The following TXK variants were observed in gnomAD, a reference collection of about 807,000 sequenced individuals.
TXK encodes tyrosine-protein kinase TXK.
Under a neutral mutation model 81.0 loss-of-function variants are expected in TXK, and 60 were observed. That is an observed-to-expected ratio of 0.74 (90% CI 0.60 to 0.92). The LOEUF (loss-of-function observed/expected upper bound fraction) is 0.92. TXK is among the 40% of genes least tolerant of loss of function. The probability of loss-of-function intolerance (pLI) is 0.00; values close to 1 mark genes in which losing one functional copy is unlikely to be tolerated. For missense variants in TXK, 581 were observed against 638.3 expected, an observed-to-expected ratio of 0.91 and a Z score of 0.97; for synonymous variants, 203 against 210.7, an observed-to-expected ratio of 0.96 and a Z score of 0.32.
Position 48,094,161 on chromosome 4 carries a change from C to A in TXK, c.625G>T (p.Asp209Tyr). ...AIKHYQIKKN[D>Y]SGQWYVAERH... ...TCAGCCACATACCACTGTCCTGAGT[C>A]ATTCTTTTTTATCTGATAATGTTTT... The change falls in exon 8 of 15, where the codon GAC becomes TAC. Residue 209 changes from aspartate to tyrosine, a missense_variant. Coordinates refer to ENST00000264316, the MANE Select transcript of TXK (RefSeq NM_003328.3). The A allele has an allele frequency of 1.9e-6, 3 of 1,613,846 alleles. No homozygotes were observed. The highest frequency in any genetic ancestry group is 8.5e-7 in the Non-Finnish European group (1 of 1,179,992).
chr4:48,112,369 T>G lies in TXK; in HGVS notation c.318A>C (p.Ala106=), dbSNP rs1029078057. Residue 106 remains alanine (A), a synonymous_variant, in exon 4 of 15, where the codon GCA becomes GCC. Transcript: ENST00000264316. ...REPCNLALRR[A]EEYLILEKYN... is the part of the protein sequence containing the mutation. The stretch of plus-strand genomic sequence containing the variant: ...ATTTCTCCAGTATCAGGTATTCTTC[T>G]GCTCTCCTTAAGGCTAAATTACAGG... The G allele has an allele frequency of 6.2e-7, 1 of 1,614,222 alleles. No homozygotes were observed. The highest frequency in any genetic ancestry group is 8.5e-7 in the Non-Finnish European group (1 of 1,180,038).
chr4:48,089,179 CA>C (rs1717651611), intron 9 of TXK, among the ~76,000 whole-genome samples: 2 of 152,048 alleles, frequency 1.3e-5, no homozygotes, highest in Admixed American at 6.6e-5. Flanking sequence ...TGTAATTTAT[CA>C]AAAGGGTGAA....
chr4:48,114,447 G>A (rs771580296), intron 1 of TXK, 45 bp from the exon 2 acceptor site: 43 of 1,584,244 alleles, frequency 2.7e-5, no homozygotes, highest in Admixed American at 2.3e-4. Flanking sequence ...CCATGAGTAC[G>A]TGATATTGAG....
chr4:48,067,431 T>G lies in TXK; in HGVS notation c.*206A>C, dbSNP rs1235358966. 2.2e-5 allele frequency: 12 copies of G among 548,214 alleles called. No individual in the cohort carries two copies. The highest frequency in any genetic ancestry group is 3.2e-5 in the Non-Finnish European group (10 of 309,736). The allele number at this position is 548,214 out of a possible 1,614,324, so 34.0% of individuals were successfully genotyped here. A position where few individuals can be genotyped will look rare whatever the true frequency, so the allele number is the denominator to read the frequency against. On this transcript the variant is annotated 3_prime_UTR_variant, in exon 15 of 15. Transcript: ENST00000264316. ...AATATTTTACAGAAAAATAAGAGTG[T>G]GCAAATCCCTCTCACACATAGAAAA...
chr4:48,108,199 G>T (rs535536888), intron 5 of TXK, among the ~76,000 whole-genome samples: 1 of 152,188 alleles, frequency 6.6e-6, no homozygotes, highest in East Asian at 1.9e-4. Context: ...CTGGTACATC[G>T]TAAGTGTACA....
Position 48,112,440 on chromosome 4 carries a change from C to T in TXK, c.247G>A (p.Glu83Lys). 6.2e-7 allele frequency: 1 copy of T among 1,614,198 alleles called. No individual in the cohort carries two copies. Among genetic ancestry groups the T allele is most frequent in the Non-Finnish European group, 8.5e-7 (1 of 1,180,018 alleles). Residue 83 changes from glutamate to lysine, a missense_variant, in exon 4 of 15, where the codon GAG becomes AAG. Physicochemically the swap from Glu to Lys is moderately conservative, Grantham distance 56. Coordinates refer to ENST00000264316, the MANE Select transcript of TXK (RefSeq NM_003328.3). ...PPLPPSEVAE[E>K]KIQVKALYDF... ...TAAAGTGCCTTGACTTGGATCTTCT[C>T]TTCAGCAACCTCAGAGGGTGGGAGG...
In TXK at chr4:48,114,334, G is replaced by C. The variant is rs201705495; in HGVS notation, c.71+14C>G. 177 of 1,613,574 alleles carry C rather than the reference G, an allele frequency of 1.1e-4. No homozygotes were observed. In the East Asian group the frequency reaches 3.8e-3, roughly 35 times the overall value. On this transcript the variant is annotated intron_variant, in intron 2 of 14. Transcript: ENST00000264316. ...AATTAATTTTCAAGAAATTGCCCTC[G>C]GAAGTAGACTTACCGCTTCTGCACT...
chr4:48,101,736 A>C (rs1326566966), intron 6 of TXK, among the ~76,000 whole-genome samples: 1 of 151,836 alleles, frequency 6.6e-6, no homozygotes, highest in Non-Finnish European at 1.5e-5. Flanking sequence ...TCCTTAATAC[A>C]TTTAAAAGAG....
At chr4:48,089,630 G>T in intron 9 of TXK, 120 bp downstream of exon 9, 1 of 754,122 alleles carries the variant, frequency 1.3e-6, no homozygotes, top group Non-Finnish European at 2.3e-6. Flanking sequence ...GACCTAAGGT[G>T]ATCCACCCAC....
chr4:48,104,838 G>T, intron 6 of TXK, 63 bp downstream of exon 6: 1 of 1,252,882 alleles, frequency 8.0e-7, no homozygotes, highest in Non-Finnish European at 1.1e-6. Context: ...TTTTTTAGTT[G>T]GTTAAAGTCT....
chr4:48,107,927 C>T (rs1371197377), intron 5 of TXK, among the ~76,000 whole-genome samples: 1 of 131,242 alleles, frequency 7.6e-6, no homozygotes, highest in African/African-American at 2.8e-5. Flanking sequence ...AAAAAAAAAC[C>T]GGGCGTGGTG....
chr4:48,132,645 C>T (rs77957858), intron 1 of TXK, among the ~76,000 whole-genome samples: 4 of 152,134 alleles, frequency 2.6e-5, no homozygotes, highest in South Asian at 2.1e-4. Context: ...ACTTAAATCC[C>T]GAGTCTGGCA....
intron 13 of TXK, 99 bp downstream of exon 13, chr4:48,073,836 T>C (rs1716957534): frequency 7.1e-6 from 6 of 839,756 alleles, no homozygotes; most frequent in Non-Finnish European, 9.5e-6. Flanking sequence ...AGAAGACTTT[T>C]TAAAAAATGC....
chr4:48,071,799 A>G (rs1011887054), intron 13 of TXK, 125 bp from the exon 14 acceptor site: 3 of 1,044,624 alleles, frequency 2.9e-6, no homozygotes, highest in African/African-American at 3.2e-5. Flanking sequence ...ACCATCCTGA[A>G]TAACAGCGGT....
Position 48,104,935 on chromosome 4 carries a change from G to A in TXK, c.467C>T (p.Thr156Ile). 6.3e-7 allele frequency: 1 copy of A among 1,591,136 alleles called. No individual in the cohort carries two copies. Among genetic ancestry groups the A allele is most frequent in the Non-Finnish European group, 8.6e-7 (1 of 1,169,262 alleles). ...CAATAGATGTTCTGCCTGATTTCTG[G>A]TAATGTTTCTATGGTACCACCTGTA... ...EIYEWYHRNI[T>I]RNQAEHLLRQ... is the part of the protein sequence containing the mutation. The change falls in exon 6 of 15, where the codon ACC (threonine) becomes ATC (isoleucine). Residue 156 changes from threonine to isoleucine, a missense_variant. Coordinates refer to ENST00000264316, the MANE Select transcript of TXK (RefSeq NM_003328.3).
At chr4:48,071,919 C>T (rs56053236) in intron 13 of TXK, among the ~76,000 whole-genome samples, 7,596 of 151,314 alleles carry the variant, frequency 0.05, 824 homozygotes, top group African/African-American at 0.18. Context: ...TTGATTGCCT[C>T]TCCTATCAGG....
rs1168957880 is a variant in TXK, at chr4:48,113,371, A to G, written c.72-62T>C. On this transcript the variant is annotated intron_variant, in intron 2 of 14. Transcript: ENST00000264316. ...TTGTACAAAAGTTATCTATACATCC[A>G]CTAGATTTTCACAGAAATAGCAGAA... The G allele has an allele frequency of 5.7e-5, 74 of 1,298,790 alleles. No individual in the cohort carries two copies. In the Admixed American group the frequency reaches 1.4e-3, roughly 25 times the overall value. 80.5% of individuals were successfully genotyped at this position (1,298,790 alleles called of 1,614,324 possible).
intron 11 of TXK, among the ~76,000 whole-genome samples, chr4:48,078,208 A>T (rs1174163214): frequency 6.6e-6 from 1 of 152,206 alleles, no homozygotes; most frequent in African/African-American, 2.4e-5. Context: ...TAAGTCTCAT[A>T]AGATAGACTC....
chr4:48,120,415 AC>A, intron 1 of TXK, among the ~76,000 whole-genome samples: 1 of 151,458 alleles, frequency 6.6e-6, no homozygotes, highest in African/African-American at 2.4e-5. Flanking sequence ...GCTGTTAAAA[AC>A]AAAACAAACT....
Sources: allele counts gnomAD v4.1 joint callset (sites outside exome capture counted in the v4.1 genomes callset), GRCh38; gene constraint gnomAD v4.1.1; transcripts MANE v1.5; gene names NCBI Gene and HGNC (gene_info 2026-07-23, HGNC 2026-07-21).